Variants in UGT1A8 observed in about 807,000 individuals in gnomAD.
The protein encoded by UGT1A8 is UDP-glucuronosyltransferase 1A8.
In UGT1A8, 39 loss-of-function variants were observed where a neutral mutation model predicts 45.3. The ratio of observed to expected loss-of-function variants is 0.86; its 90% CI spans 0.67 to 1.12. The LOEUF (loss-of-function observed/expected upper bound fraction) is 1.12. UGT1A8 is among the 50% of genes most tolerant of loss of function. The pLI, the probability that UGT1A8 is intolerant of heterozygous loss-of-function variation, is 0.00. For missense variants in UGT1A8, 719 were observed against 664.9 expected (o/e 1.08, Z -0.90); for synonymous variants, 275 against 249.2 (o/e 1.10, Z -0.97).
At chr2:233,736,528 A>T (rs895463431) in intron 1 of UGT1A8, among the ~76,000 whole-genome samples, 1 of 152,204 alleles carries the variant, frequency 6.6e-6, no homozygotes, top group African/African-American at 2.4e-5. Context: ...CGTCAAAGTC[A>T]TTCTCTTTCC....
At chr2:233,750,456 A>G (rs1220214854) in intron 1 of UGT1A8, among the ~76,000 whole-genome samples, 2 of 151,996 alleles carry the variant, frequency 1.3e-5, no homozygotes, top group Non-Finnish European at 2.9e-5. Flanking sequence ...CAAACCAGCT[A>G]CAGAAATACT....
chr2:233,671,825 G>T (rs1176992990), intron 1 of UGT1A8: 3 of 1,443,718 alleles, frequency 2.1e-6, no homozygotes, highest in East Asian at 2.4e-5. Context: ...TTTATGAAAG[G>T]ATAAAAACAC....
At chr2:233,766,838 C>A (rs906628829) in intron 1 of UGT1A8, among the ~76,000 whole-genome samples, 196 bp from the exon 2 acceptor site, 7 of 152,156 alleles carry the variant, frequency 4.6e-5, no homozygotes, top group African/African-American at 1.7e-4. Context: ...TAAGCAGGAA[C>A]CCTTCCTCCT....
At chr2:233,761,229 T>C in intron 1 of UGT1A8, 2 of 1,613,382 alleles carry the variant, frequency 1.2e-6, no homozygotes, top group Non-Finnish European at 1.7e-6. Flanking sequence ...TAGCCCCAGA[T>C]ATATGCTGAG....
intron 1 of UGT1A8, chr2:233,636,618 C>T: frequency 6.2e-7 from 1 of 1,614,108 alleles, no homozygotes. Flanking sequence ...TGGTAGTGCC[C>T]ATGGATGGGA....
chr2:233,747,677 C>T (rs1693749061), intron 1 of UGT1A8: 1 of 1,606,758 alleles, frequency 6.2e-7, no homozygotes, highest in Non-Finnish European at 8.5e-7. Context: ...ACCCAATTTA[C>T]CTCTGTGGGG....
intron 1 of UGT1A8, chr2:233,755,466 T>C: frequency 4.1e-6 from 1 of 241,540 alleles, no homozygotes; most frequent in Non-Finnish European, 8.3e-6. Context: ...CCCTGCTCTC[T>C]GTGAGGCTCT....
In UGT1A8 at chr2:233,679,135, G is replaced by A. The variant is rs1171081572; in HGVS notation, c.855+60573G>A. ...AAATTTCCTTAAGACACCTGATTGAGAGACTGAATTAGAGATGTTGGGTTT... is the reference window on the plus strand; with the variant it reads ...AAATTTCCTTAAGACACCTGATTGAAAGACTGAATTAGAGATGTTGGGTTT... On this transcript the variant is annotated intron_variant, in intron 1 of 4. Transcript: ENST00000373450. Among the ~76,000 whole-genome samples, 5 of 152,174 alleles carry A rather than the reference G, an allele frequency of 3.3e-5. 1 individual carries two copies. The highest frequency in any genetic ancestry group is 2.0e-4 in the Admixed American group (3 of 15,276).
At chr2:233,745,643 G>C (rs1290211026) in intron 1 of UGT1A8, among the ~76,000 whole-genome samples, 1 of 151,416 alleles carries the variant, frequency 6.6e-6, no homozygotes, top group African/African-American at 2.4e-5. Context: ...CTGGCCGAGG[G>C]TAGAGTTCAG....
chr2:233,718,890 C>G, intron 1 of UGT1A8: 1 of 1,613,968 alleles, frequency 6.2e-7, no homozygotes. Flanking sequence ...CAGTGTCCAG[C>G]CCTGGGCTGA....
At chr2:233,732,716 G>A (rs2078304565) in intron 1 of UGT1A8, among the ~76,000 whole-genome samples, 1 of 148,658 alleles carries the variant, frequency 6.7e-6, no homozygotes, top group Non-Finnish European at 1.5e-5. Flanking sequence ...TAGCCTTGTA[G>A]TACAGTTTGA....
rs1472607725 is a variant in UGT1A8, at chr2:233,617,999, T to C, written c.292T>C (p.Trp98Arg). 1 of 1,614,228 alleles carries C rather than the reference T, an allele frequency of 6.2e-7. No individual in the cohort carries two copies. The highest frequency in any genetic ancestry group is 8.5e-7 in the Non-Finnish European group (1 of 1,180,044). ...REFMDFADAQWKAQVRSLFSL... is the reference protein window; with the variant it reads ...REFMDFADAQRKAQVRSLFSL... ...ATTCATGGATTTCGCCGATGCTCAA[T>C]GGAAAGCACAAGTACGAAGTTTGTT... is the stretch of plus-strand genomic sequence containing the variant. Residue 98 changes from tryptophan (W) to arginine (R), a missense_variant, in exon 1 of 5, where the codon TGG becomes CGG. Trp to Arg is a moderately radical substitution (Grantham distance 101). Transcript: ENST00000373450.
intron 1 of UGT1A8, among the ~76,000 whole-genome samples, chr2:233,676,761 A>ACTTTTGGTAGGAAGACACAGAGGT (rs2074370562): frequency 1.3e-5 from 2 of 152,100 alleles, no homozygotes; most frequent in Non-Finnish European, 2.9e-5. Context: ...GGGTTTATAG[A>ACTTTTGGTAGGAAGACACAGAGGT]CTTTTGGTAG....
At chr2:233,636,550 G>T (rs749394452) in intron 1 of UGT1A8, 2 of 1,614,104 alleles carry the variant, frequency 1.2e-6, no homozygotes, top group African/African-American at 1.3e-5. Flanking sequence ...GACCAGCCCC[G>T]TTCCTTTATG....
At chr2:233,747,277 G>A (rs1044373750) in intron 1 of UGT1A8, 304 of 1,599,338 alleles carry the variant, frequency 1.9e-4, no homozygotes, top group Non-Finnish European at 2.4e-4. Context: ...CCTTCTCAGT[G>A]CCCAGCCCTG....
intron 1 of UGT1A8, among the ~76,000 whole-genome samples, chr2:233,722,551 G>C (rs1195630832): frequency 6.6e-6 from 1 of 152,024 alleles, no homozygotes; most frequent in Non-Finnish European, 1.5e-5. Context: ...AGTTTCTTTT[G>C]GTTGATTTGT....
At chr2:233,757,812 T>G (rs772268398) in intron 1 of UGT1A8, among the ~76,000 whole-genome samples, 1 of 151,794 alleles carries the variant, frequency 6.6e-6, no homozygotes, top group Non-Finnish European at 1.5e-5. Flanking sequence ...TGAAAGGAGC[T>G]GGTAGTGTGT....
At chr2:233,755,096 G>T (rs62191920) in intron 1 of UGT1A8, 3 of 1,334,468 alleles carry the variant, frequency 2.2e-6, no homozygotes, top group Non-Finnish European at 3.0e-6. Context: ...GTTTCTACGC[G>T]TCCGACAACA....
In UGT1A8 at chr2:233,650,033, C is replaced by T. The variant is rs28969990; in HGVS notation, c.855+31471C>T. On this transcript the variant is annotated intron_variant, in intron 1 of 4. Coordinates refer to ENST00000373450, the MANE Select transcript of UGT1A8 (RefSeq NM_019076.5). ...TTGTCGAGGCTGGGGTGCAATGGTG[C>T]GATCTTGGCTCACCACAACCTCTGC... Among the ~76,000 whole-genome samples the T allele has an allele frequency of 8.4e-3, 1,278 of 152,214 alleles. 22 individuals carry two copies. The highest frequency in any genetic ancestry group is 0.028 in the African/African-American group (1,177 of 41,518).
Sources: allele counts gnomAD v4.1 joint callset (sites outside exome capture counted in the v4.1 genomes callset), GRCh38; gene constraint gnomAD v4.1.1; transcripts MANE v1.5; gene names NCBI Gene and HGNC (gene_info 2026-07-23, HGNC 2026-07-21).